The following SUGCT variants were observed in gnomAD, a reference collection of about 807,000 sequenced individuals.
The protein encoded by SUGCT is succinyl-CoA:glutarate CoA-transferase.
In SUGCT, 41 loss-of-function variants were observed where a neutral mutation model predicts 55.0. The ratio of observed to expected loss-of-function variants is 0.74; its 90% CI spans 0.58 to 0.97. The LOEUF is 0.97. SUGCT is among the 50% of genes least tolerant of loss of function. SUGCT has a pLI of 0.00. For missense variants in SUGCT, 568 were observed against 547.8 expected (o/e 1.04, Z -0.37); for synonymous variants, 187 against 200.4 (o/e 0.93, Z 0.56).
intron 9 of SUGCT, among the ~76,000 whole-genome samples, chr7:40,428,673 T>C (rs183324031): frequency 2.0e-5 from 3 of 152,340 alleles, no homozygotes; most frequent in Admixed American, 2.0e-4. Flanking sequence ...ACCTTACAGC[T>C]ATTTTATACT....
chr7:40,401,127 T>G (rs1786041445), intron 9 of SUGCT, among the ~76,000 whole-genome samples: 1 of 152,182 alleles, frequency 6.6e-6, no homozygotes, highest in Non-Finnish European at 1.5e-5. Flanking sequence ...CTTTTTTTCT[T>G]GTGGAATAGC....
chr7:40,693,563 T>C (rs1292033914), intron 12 of SUGCT, among the ~76,000 whole-genome samples: 1 of 152,212 alleles, frequency 6.6e-6, no homozygotes, highest in African/African-American at 2.4e-5. Context: ...CCCAGGCTTT[T>C]AGGCTTCAGA....
intron 1 of SUGCT, among the ~76,000 whole-genome samples, chr7:40,159,594 C>T (rs1252393384): frequency 6.6e-6 from 1 of 152,092 alleles, no homozygotes; most frequent in Non-Finnish European, 1.5e-5. Context: ...TGGTCTCGAT[C>T]TCCTGACCTT....
chr7:40,502,289 A>T (rs750101629), intron 12 of SUGCT, among the ~76,000 whole-genome samples: 4 of 152,112 alleles, frequency 2.6e-5, no homozygotes, highest in Non-Finnish European at 5.9e-5. Flanking sequence ...AGCCAAAGAC[A>T]TAATTGTTTT....
intron 9 of SUGCT, among the ~76,000 whole-genome samples, chr7:40,368,143 C>T (rs942632361): frequency 3.3e-5 from 5 of 152,066 alleles, no homozygotes; most frequent in African/African-American, 4.8e-5. Context: ...GCTTTTCCCT[C>T]GTAAGTCAGA....
chr7:40,181,189 A>G (rs916955489), intron 2 of SUGCT, among the ~76,000 whole-genome samples, 191 bp downstream of exon 2: 1 of 152,160 alleles, frequency 6.6e-6, no homozygotes, highest in Non-Finnish European at 1.5e-5. Flanking sequence ...CCTTTTCCCA[A>G]TGTATATTTA....
At chr7:40,475,045 C>T (rs1418685237) in intron 11 of SUGCT, among the ~76,000 whole-genome samples, 1 of 152,170 alleles carries the variant, frequency 6.6e-6, no homozygotes, top group African/African-American at 2.4e-5. Flanking sequence ...TTTTTGGAAG[C>T]TATGTGCCAC....
intron 13 of SUGCT, among the ~76,000 whole-genome samples, chr7:40,780,443 G>C (rs1789676967): frequency 6.6e-6 from 1 of 152,166 alleles, no homozygotes; most frequent in African/African-American, 2.4e-5. Flanking sequence ...AAAACTGTAA[G>C]CAGACATACA....
rs186245159 is a variant in SUGCT, at chr7:40,674,200, G to T, written c.1090-75234G>T. On this transcript the variant is annotated intron_variant, in intron 12 of 13. Coordinates refer to ENST00000335693, the MANE Select transcript of SUGCT (RefSeq NM_001193313.2). ...TTGGAAGGTATAAATTTTATAAAAG[G>T]AGTGGCTACATAAAATGGAGACTTT... Among the ~76,000 whole-genome samples, 8 of 152,270 alleles carry T rather than the reference G, an allele frequency of 5.3e-5. No homozygotes were observed. The East Asian group carries it at 1.5e-3, about 29-fold the overall frequency.
At position 40,678,554 on chromosome 7, in the gene SUGCT, G is replaced by C. The variant is rs565362966; in HGVS notation, c.1090-70880G>C. On this transcript the variant is annotated intron_variant, in intron 12 of 13. Transcript: ENST00000335693. ...ATACTTTCCCTTCCTGGGCAAATTT[G>C]TTGGAACCCAAAAATAAATAAATAA... Among the ~76,000 whole-genome samples, 11 of 152,226 alleles carry C rather than the reference G, an allele frequency of 7.2e-5. No homozygotes were observed. The East Asian group carries it at 1.9e-3, about 27-fold the overall frequency.
intron 11 of SUGCT, among the ~76,000 whole-genome samples, chr7:40,476,195 A>G (rs188365954): frequency 6.2e-4 from 94 of 152,302 alleles, no homozygotes; most frequent in Non-Finnish European, 9.7e-4. Context: ...GTCTATGTCT[A>G]TGTAAAGTAC....
chr7:40,197,951 C>CT (rs1786380947), intron 6 of SUGCT, among the ~76,000 whole-genome samples: 5 of 152,114 alleles, frequency 3.3e-5, no homozygotes. Context: ...TGGAGAGTCT[C>CT]TAAGTTTTCT....
At chr7:41,028,202 C>T in the SUGCT span, among the ~76,000 whole-genome samples, 1 of 148,400 alleles carries the variant, frequency 6.7e-6, no homozygotes, top group South Asian at 2.1e-4. Flanking sequence ...AGCAGCAGAC[C>T]TAGAAGCCAA....
chr7:40,974,666 G>T, the SUGCT span, among the ~76,000 whole-genome samples: 2 of 152,120 alleles, frequency 1.3e-5, no homozygotes, highest in African/African-American at 4.8e-5. Flanking sequence ...CCTAGGACTG[G>T]GCAGGTGGAA....
At chr7:40,609,188 A>G (rs775749521) in intron 12 of SUGCT, among the ~76,000 whole-genome samples, 7 of 152,176 alleles carry the variant, frequency 4.6e-5, no homozygotes, top group Non-Finnish European at 1.0e-4. Flanking sequence ...TAGAGTGTAC[A>G]TGATCGGATT....
intron 12 of SUGCT, among the ~76,000 whole-genome samples, chr7:40,694,725 T>C (rs1784848461): frequency 6.6e-6 from 1 of 152,210 alleles, no homozygotes; most frequent in Non-Finnish European, 1.5e-5. Context: ...TTCAACAGTT[T>C]GTTTCCTGTT....
At chr7:41,036,699 C>T in the SUGCT span, among the ~76,000 whole-genome samples, 1 of 152,196 alleles carries the variant, frequency 6.6e-6, no homozygotes, top group Non-Finnish European at 1.5e-5. Context: ...GCTGCCACTG[C>T]TGCTTTTCTT....
chr7:40,512,621 G>A (rs1186869323), intron 12 of SUGCT, among the ~76,000 whole-genome samples: 1 of 152,100 alleles, frequency 6.6e-6, no homozygotes, highest in Non-Finnish European at 1.5e-5. Context: ...GAGTGAGATA[G>A]TACATGCATA....
At chr7:40,420,802 GACAC>G (rs147287632) in intron 9 of SUGCT, among the ~76,000 whole-genome samples, 30 of 151,346 alleles carry the variant, frequency 2.0e-4, no homozygotes, top group Non-Finnish European at 1.5e-5. Flanking sequence ...TACACACACA[GACAC>G]ACACACACAC....
Sources: gnomAD v4.1 joint callset for allele counts (sites outside exome capture counted in the v4.1 genomes callset) on GRCh38, gnomAD v4.1.1 for gene constraint, MANE v1.5 for transcripts, NCBI Gene and HGNC (gene_info 2026-07-23, HGNC 2026-07-21) for gene names.